The following SLA variants were observed in gnomAD, a reference collection of about 807,000 sequenced individuals.
SLA encodes the protein Src like adaptor.
In SLA, 16 loss-of-function variants were observed where a neutral mutation model predicts 30.3. That is an observed-to-expected ratio of 0.53 (90% CI 0.36 to 0.80). SLA has a LOEUF of 0.80. Among genes scored for constraint, SLA ranks in the 30% least tolerant of loss-of-function variants. The pLI, the probability that SLA is intolerant of heterozygous loss-of-function variation, is 0.01. For missense variants in SLA, 310 were observed against 345.2 expected (o/e 0.90, Z 0.81); for synonymous variants, 143 against 137.8 (o/e 1.04, Z -0.26).
intron 1 of SLA, among the ~76,000 whole-genome samples, chr8:133,083,680 AT>A (rs151284635): frequency 0.024 from 3,687 of 152,006 alleles, 154 homozygotes; most frequent in African/African-American, 0.084. Context: ...TGATCTCTCT[AT>A]TTTTTTTCTG....
At chr8:133,074,418 A>G (rs1844553640) in intron 2 of SLA, among the ~76,000 whole-genome samples, 1 of 152,110 alleles carries the variant, frequency 6.6e-6, no homozygotes, top group Non-Finnish European at 1.5e-5. Context: ...AGCATATGTC[A>G]ATTTCTTCAC....
rs754754112 is a variant in SLA at position 133,038,688 on chromosome 8, A to G, written c.667T>C (p.Ser223Pro). 6.2e-7 allele frequency: 1 copy of G among 1,613,744 alleles called. No homozygotes were observed. The highest frequency in any genetic ancestry group is 2.2e-5 in the East Asian group (1 of 44,860). The change falls in exon 9 of 9, where the codon TCC (serine) becomes CCC (proline). Residue 223 changes from serine (S) to proline (P), a missense_variant. Coordinates refer to ENST00000338087, the MANE Select transcript of SLA (RefSeq NM_001045556.3). ...TCTCGAAGGCCATAGCTGAAAAGGG[A>G]CTCGTCTACCCCAAGCGGGTTCTCT... ...GTENPLGVDE[S>P]LFSYGLRESI...
chr8:133,097,009 G>A (rs1375185205), intron 1 of SLA, among the ~76,000 whole-genome samples: 1 of 152,154 alleles, frequency 6.6e-6, no homozygotes. Context: ...ATGCTCCTCT[G>A]CCCACCCCAC....
At chr8:133,048,986 C>T (rs1839947005) in intron 5 of SLA, 1 of 330,800 alleles carries the variant, frequency 3.0e-6, no homozygotes, top group Non-Finnish European at 6.1e-6. Context: ...CTCCTTCTTT[C>T]TTTTCCATTT....
At chr8:133,078,453 C>G (rs1845236914) in intron 1 of SLA, among the ~76,000 whole-genome samples, 1 of 152,240 alleles carries the variant, frequency 6.6e-6, no homozygotes, top group South Asian at 2.1e-4. Context: ...CCATTCCTCT[C>G]TCAACCATTT....
rs559057063 is a variant in SLA, at chr8:133,098,143, A to G, written c.-319+4410T>C. Among the ~76,000 whole-genome samples, 21 of 152,338 alleles carry G rather than the reference A, an allele frequency of 1.4e-4. No homozygotes were observed. In the East Asian group the frequency reaches 3.7e-3, roughly 27 times the overall value. On this transcript the variant is annotated intron_variant, in intron 1 of 8. Transcript: ENST00000338087. ...GATTTTATTATTGGACAAGACAACC[A>G]TTCAGGAATCACTGGAAATGTGCCA... is the stretch of plus-strand genomic sequence containing the variant.
At chr8:133,038,771 G>GA (rs752784424) in intron 8 of SLA, 34 bp from the exon 9 acceptor site, 18 of 1,454,790 alleles carry the variant, frequency 1.2e-5, no homozygotes, top group Non-Finnish European at 1.5e-5. Context: ...TAGAGAAAGG[G>GA]AAAAAAAGAG....
intron 2 of SLA, among the ~76,000 whole-genome samples, chr8:133,067,207 G>A (rs1288377485): frequency 6.6e-6 from 1 of 152,138 alleles, no homozygotes; most frequent in Non-Finnish European, 1.5e-5. Flanking sequence ...GCGAGGCTGG[G>A]GGCTGCCGAG....
At chr8:133,054,759 T>C (rs991172308) in intron 3 of SLA, among the ~76,000 whole-genome samples, 1 of 152,144 alleles carries the variant, frequency 6.6e-6, no homozygotes, top group African/African-American at 2.4e-5. Flanking sequence ...ATGAGTCAAG[T>C]TGAACAAAAT....
chr8:133,090,080 G>A (rs1002681626), intron 1 of SLA: 3 of 152,174 alleles, frequency 2.0e-5, no homozygotes, highest in African/African-American at 7.2e-5. Flanking sequence ...GCCTAAATGG[G>A]GCTTGAGACT....
Position 133,038,666 on chromosome 8 carries a change from C to A in SLA, c.689G>T (p.Arg230Leu). The A allele has an allele frequency of 6.2e-7, 1 of 1,614,002 alleles. No individual in the cohort carries two copies. Among genetic ancestry groups the A allele is most frequent in the Non-Finnish European group, 8.5e-7 (1 of 1,179,968 alleles). ...GGACAGGTAAGAGGCAATGCTCTCTCGAAGGCCATAGCTGAAAAGGGACTC... is the reference window on the plus strand; with the variant it reads ...GGACAGGTAAGAGGCAATGCTCTCTAGAAGGCCATAGCTGAAAAGGGACTC... ...VDESLFSYGLRESIASYLSLT... is the reference protein window; with the variant it reads ...VDESLFSYGLLESIASYLSLT... Residue 230 changes from arginine to leucine, a missense_variant, in exon 9 of 9, where the codon CGA becomes CTA. By Grantham distance (102) the Arg-to-Leu change is moderately radical. Transcript: ENST00000338087.
intron 1 of SLA, among the ~76,000 whole-genome samples, chr8:133,080,326 TCA>T (rs1845561258): frequency 6.6e-6 from 1 of 152,176 alleles, no homozygotes; most frequent in African/African-American, 2.4e-5. Flanking sequence ...TATCTAGACT[TCA>T]CCTGAAGAAA....
chr8:133,093,139 CTT>C (rs752795832), intron 1 of SLA, among the ~76,000 whole-genome samples: 84 of 146,352 alleles, frequency 5.7e-4, no homozygotes, highest in South Asian at 8.6e-4. Context: ...CTTTTCTTTT[CTT>C]TTTTTTTTTT....
Position 133,039,933 on chromosome 8 carries a change from T to A in SLA, c.617+65A>T, listed in dbSNP as rs1564102473. Reference sequence around the variant, plus strand: ...GCACACACACCGTTTTGTGCTCACATGTTCACAGAGCACTTGCATGCACAC... The same window carrying A: ...GCACACACACCGTTTTGTGCTCACAAGTTCACAGAGCACTTGCATGCACAC... On this transcript the variant is annotated intron_variant, in intron 8 of 8. Coordinates refer to ENST00000338087, the MANE Select transcript of SLA (RefSeq NM_001045556.3). 8 of 1,520,858 alleles carry A rather than the reference T, an allele frequency of 5.3e-6. No homozygotes were observed. The East Asian group carries it at 2.0e-4, about 38-fold the overall frequency. The allele number at this position is 1,520,858 out of a possible 1,614,324, so 94.2% of individuals were successfully genotyped here. A position where few individuals can be genotyped will look rare whatever the true frequency, so the allele number is the denominator to read the frequency against.
At chr8:133,039,964 C>G in intron 8 of SLA, 34 bp downstream of exon 8, 1 of 1,528,900 alleles carries the variant, frequency 6.5e-7, no homozygotes. Context: ...CACACACACA[C>G]ACACACACAC....
intron 2 of SLA, among the ~76,000 whole-genome samples, chr8:133,065,111 G>A (rs1014013991): frequency 2.6e-5 from 4 of 152,114 alleles, no homozygotes; most frequent in African/African-American, 4.8e-5. Flanking sequence ...AGTGTGGTGC[G>A]GCAAGTGGAG....
At chr8:133,076,512 G>C (rs1161817250) in intron 1 of SLA, 1 of 152,186 alleles carries the variant, frequency 6.6e-6, no homozygotes, top group Non-Finnish European at 1.5e-5. Flanking sequence ...GACTGAGTGG[G>C]CAGTTTGCTT....
intron 2 of SLA, among the ~76,000 whole-genome samples, chr8:133,062,275 C>T (rs907966922): frequency 2.0e-5 from 3 of 152,214 alleles, no homozygotes; most frequent in Non-Finnish European, 2.9e-5. Context: ...CTGGTAGGAA[C>T]TTTCTAGCAG....
chr8:133,082,475 A>G (rs1183512292), intron 1 of SLA, among the ~76,000 whole-genome samples: 1 of 152,220 alleles, frequency 6.6e-6, no homozygotes, highest in Non-Finnish European at 1.5e-5. Context: ...AGCATTGGGC[A>G]CATAGAAGGA....
Sources: gnomAD v4.1 joint callset for allele counts (sites outside exome capture counted in the v4.1 genomes callset) on GRCh38, gnomAD v4.1.1 for gene constraint, MANE v1.5 for transcripts, NCBI Gene and HGNC (gene_info 2026-07-23, HGNC 2026-07-21) for gene names.